TP63: variants seen among roughly 807,000 people sequenced by gnomAD.
TP63 encodes tumor protein 63.
Under a neutral mutation model 82.8 loss-of-function variants are expected in TP63, and 17 were observed. The observed-to-expected ratio is 0.21, with a 90% CI of 0.14 to 0.31. TP63 has a LOEUF of 0.31. Ranked by LOEUF, TP63 falls within the 10% of genes least tolerant of loss-of-function variation. The probability of loss-of-function intolerance (pLI) is 1.00; values close to 1 mark genes in which losing one functional copy is unlikely to be tolerated. For missense variants in TP63, 648 were observed against 895.3 expected (o/e 0.72, Z 3.52); for synonymous variants, 330 against 321.7 (o/e 1.03, Z -0.28).
At chr3:189,849,617 C>T (rs763912252) in intron 4 of TP63, among the ~76,000 whole-genome samples, 6 of 151,786 alleles carry the variant, frequency 4.0e-5, no homozygotes, top group Non-Finnish European at 7.4e-5. Flanking sequence ...CATGTTTTAC[C>T]TTCTCTCCTT....
chr3:189,825,824 A>C, intron 4 of TP63, among the ~76,000 whole-genome samples: 1 of 152,204 alleles, frequency 6.6e-6, no homozygotes, highest in East Asian at 1.9e-4. Flanking sequence ...GTAGTCATGT[A>C]CTTCTCAACA....
intron 4 of TP63, among the ~76,000 whole-genome samples, chr3:189,812,945 A>G (rs16864811): frequency 0.14 from 21,637 of 152,124 alleles, 1,612 homozygotes; most frequent in East Asian, 0.25. Context: ...ACTATCCACT[A>G]TCCAAATATA....
intron 1 of TP63, among the ~76,000 whole-genome samples, chr3:189,673,307 T>C (rs1163286169): frequency 6.6e-6 from 1 of 152,164 alleles, no homozygotes; most frequent in African/African-American, 2.4e-5. Flanking sequence ...TACTTAATGA[T>C]TGAAGAAATC....
At chr3:189,890,354 C>T (rs1303385351) in intron 12 of TP63, among the ~76,000 whole-genome samples, 1 of 152,102 alleles carries the variant, frequency 6.6e-6, no homozygotes, top group Non-Finnish European at 1.5e-5. Flanking sequence ...TAGAGGCCTA[C>T]AATTTTTTTC....
intron 1 of TP63, among the ~76,000 whole-genome samples, chr3:189,668,503 A>T (rs1032486165): frequency 1.3e-5 from 2 of 152,134 alleles, no homozygotes; most frequent in Non-Finnish European, 2.9e-5. Context: ...TAAAATCTTA[A>T]ATCCATATGA....
chr3:189,878,532 A>T lies in TP63; in HGVS notation c.1349+5537A>T, dbSNP rs182187847. On this transcript the variant is annotated intron_variant, in intron 10 of 13. Coordinates refer to ENST00000264731, the MANE Select transcript of TP63 (RefSeq NM_003722.5). ...GCCTCCTGCGTAGCTGGGATTACAG[A>T]TGCCTGCCACCATGCCCGGCTAATT... Among the ~76,000 whole-genome samples, 776 of 149,246 alleles carry T rather than the reference A, an allele frequency of 5.2e-3. 6 individuals are homozygous for T. Among genetic ancestry groups the T allele is most frequent in the African/African-American group, 0.018 (729 of 40,836 alleles).
chr3:189,716,605 A>C (rs1356841075), intron 1 of TP63, among the ~76,000 whole-genome samples: 1 of 152,192 alleles, frequency 6.6e-6, no homozygotes, highest in Non-Finnish European at 1.5e-5. Context: ...CTTACTCGGA[A>C]AGGACTGCGG....
chr3:189,762,635 T>G (rs1388113792), intron 3 of TP63, among the ~76,000 whole-genome samples: 2 of 152,244 alleles, frequency 1.3e-5, no homozygotes, highest in East Asian at 3.8e-4. Flanking sequence ...GCTACATGTA[T>G]CTTTATAAGT....
chr3:189,610,090 C>T, the TP63 span, among the ~76,000 whole-genome samples: 2 of 152,010 alleles, frequency 1.3e-5, no homozygotes, highest in African/African-American at 4.8e-5. Flanking sequence ...TGAGATGGTA[C>T]CTAATTGTGA....
intron 1 of TP63, among the ~76,000 whole-genome samples, chr3:189,675,195 A>G (rs1469513809): frequency 6.6e-6 from 1 of 152,076 alleles, no homozygotes; most frequent in Non-Finnish European, 1.5e-5. Flanking sequence ...CACAAGTCCC[A>G]GTCATGAGAG....
At chr3:189,810,772 C>G (rs1727459036) in intron 4 of TP63, among the ~76,000 whole-genome samples, 1 of 149,340 alleles carries the variant, frequency 6.7e-6, no homozygotes, top group African/African-American at 2.5e-5. Context: ...AGGAGAATCA[C>G]TTGAACCTGG....
In TP63 at chr3:189,875,607, T is replaced by TATATATATATATATACACAC. The variant is rs1553859629; in HGVS notation, c.1349+2627_1349+2628insCACACATATATATATATATA. 4.8e-4 allele frequency among the ~76,000 whole-genome samples: 27 copies of TATATATATATATATACACAC among 56,096 alleles called. 1 individual carries two copies. Among genetic ancestry groups the TATATATATATATATACACAC allele is most frequent in the Non-Finnish European group, 9.7e-4 (23 of 23,744 alleles). 36.8% of individuals were successfully genotyped at this position (56,096 alleles called of 152,430 possible). Reference sequence around the variant, plus strand: ...AAAAATACATACATATATATATATATATATATATATATATATATATATATA... The same window carrying TATATATATATATATACACAC: ...AAAAATACATACATATATATATATATATATATATATATATACACACATATATATATATATATATATATATA... On this transcript the variant is annotated intron_variant, in intron 10 of 13. Transcript: ENST00000264731.
At chr3:189,879,670 C>T (rs1040017791) in intron 10 of TP63, among the ~76,000 whole-genome samples, 6 of 151,830 alleles carry the variant, frequency 4.0e-5, no homozygotes, top group African/African-American at 7.3e-5. Context: ...AAACCGTATG[C>T]GAAGCACTGT....
the TP63 span, among the ~76,000 whole-genome samples, chr3:189,616,914 C>A: frequency 4.6e-5 from 7 of 152,166 alleles, no homozygotes; most frequent in African/African-American, 1.7e-4. Flanking sequence ...CTTTTTCCAC[C>A]AGATACCTGA....
intron 4 of TP63, among the ~76,000 whole-genome samples, chr3:189,809,581 T>C (rs1213474269): frequency 1.3e-5 from 2 of 152,218 alleles, no homozygotes; most frequent in East Asian, 3.8e-4. Flanking sequence ...TAGAAATGCT[T>C]CCAAATATCA....
chr3:189,788,786 C>A (rs1724827250), intron 3 of TP63, among the ~76,000 whole-genome samples: 1 of 151,930 alleles, frequency 6.6e-6, no homozygotes, highest in Non-Finnish European at 1.5e-5. Context: ...CAATTGATAT[C>A]TTATGCTTTA....
intron 4 of TP63, among the ~76,000 whole-genome samples, chr3:189,847,268 G>A (rs2108756216): frequency 6.6e-6 from 1 of 152,306 alleles, no homozygotes; most frequent in Non-Finnish European, 1.5e-5. Flanking sequence ...TGAGGCAGGA[G>A]AGTCGCTAGA....
intron 4 of TP63, among the ~76,000 whole-genome samples, chr3:189,817,465 A>G (rs1482656802): frequency 6.6e-6 from 1 of 152,180 alleles, no homozygotes; most frequent in Non-Finnish European, 1.5e-5. Context: ...TTAAATGAGT[A>G]TTATAATTTT....
intron 10 of TP63, among the ~76,000 whole-genome samples, chr3:189,879,002 GA>G (rs1314348316): frequency 2.0e-5 from 3 of 152,006 alleles, no homozygotes; most frequent in Non-Finnish European, 4.4e-5. Flanking sequence ...TGGTAATGAA[GA>G]AAAAACTCAA....
Sources: gnomAD v4.1 joint callset for allele counts (sites outside exome capture counted in the v4.1 genomes callset) on GRCh38, gnomAD v4.1.1 for gene constraint, MANE v1.5 for transcripts, NCBI Gene and HGNC (gene_info 2026-07-23, HGNC 2026-07-21) for gene names.